Variants in CSRP3 observed in about 807,000 individuals in gnomAD.
CSRP3 encodes cysteine and glycine-rich protein 3.
A neutral mutation model predicts 24.3 loss-of-function variants in CSRP3; 24 were observed. The ratio of observed to expected loss-of-function variants is 0.99; its 90% CI spans 0.71 to 1.39. The LOEUF (loss-of-function observed/expected upper bound fraction) is 1.39. Ranked by LOEUF, CSRP3 falls within the 40% of genes most tolerant of loss-of-function variation. The pLI, the probability that CSRP3 is intolerant of heterozygous loss-of-function variation, is 0.00. For synonymous variants in CSRP3, 105 were observed against 94.0 expected, an observed-to-expected ratio of 1.12 and a Z score of -0.68; for missense variants, 240 against 249.0, an observed-to-expected ratio of 0.96 and a Z score of 0.24.
intron 2 of CSRP3, among the ~76,000 whole-genome samples, chr11:19,191,672 C>G (rs1248194227): frequency 6.6e-6 from 1 of 152,148 alleles, no homozygotes; most frequent in Non-Finnish European, 1.5e-5. Context: ...TCACGTGAGT[C>G]AGGCAGGACC....
At chr11:19,193,533 AT>A in intron 1 of CSRP3, among the ~76,000 whole-genome samples, 1 of 152,352 alleles carries the variant, frequency 6.6e-6, no homozygotes, top group South Asian at 2.1e-4. Context: ...TGTCCTCTGT[AT>A]TTTTAGTAGA....
Position 19,186,259 on chromosome 11 carries a change from C to T in CSRP3, c.371G>A (p.Gly124Asp). 6.2e-7 allele frequency: 1 copy of T among 1,614,200 alleles called. No individual in the cohort carries two copies. The highest frequency in any genetic ancestry group is 1.1e-5 in the South Asian group (1 of 91,080). Reference sequence around the variant, plus strand: ...CTTCTCAGCAGCATAGACTGACTTGCCACATCGAGGGCACTTCTCGGACTC... The same window carrying T: ...CTTCTCAGCAGCATAGACTGACTTGTCACATCGAGGGCACTTCTCGGACTC... ...FGESEKCPRC[G>D]KSVYAAEKVM... is the part of the protein sequence containing the mutation. Residue 124 changes from glycine to aspartate, a missense_variant, in exon 4 of 6, where the codon GGC becomes GAC. Coordinates refer to ENST00000265968, the MANE Select transcript of CSRP3 (RefSeq NM_003476.5).
chr11:19,195,938 T>C (rs552532024), intron 1 of CSRP3, among the ~76,000 whole-genome samples: 22 of 152,306 alleles, frequency 1.4e-4, no homozygotes, highest in Non-Finnish European at 2.6e-4. Flanking sequence ...AAACAGAAGA[T>C]GTCTCACAGG....
chr11:19,195,174 T>C (rs1182007893), intron 1 of CSRP3, among the ~76,000 whole-genome samples: 1 of 151,704 alleles, frequency 6.6e-6, no homozygotes, highest in Non-Finnish European at 1.5e-5. Flanking sequence ...GGAATAATGC[T>C]AATGAAGTCA....
chr11:19,185,004 C>T lies in CSRP3; in HGVS notation c.456G>A (p.Lys152=), dbSNP rs397516856. 1.2e-5 allele frequency: 19 copies of T among 1,614,230 alleles called. No homozygotes were observed. In the East Asian group the frequency reaches 4.0e-4, roughly 34 times the overall value. The stretch of plus-strand genomic sequence containing the variant: ...CAGTGACATTTGTGGACTCCAGACT[C>T]TTCCCACAGATGGCACAGCGGAAAC... ...KTCFRCAICG[K]SLESTNVTDK... Residue 152 remains lysine, a synonymous_variant, in exon 5 of 6, where the codon AAG becomes AAA. Coordinates refer to ENST00000265968, the MANE Select transcript of CSRP3 (RefSeq NM_003476.5).
At chr11:19,185,393 T>C (rs1850508177) in intron 4 of CSRP3, among the ~76,000 whole-genome samples, 2 of 152,210 alleles carry the variant, frequency 1.3e-5, no homozygotes, top group Admixed American at 1.3e-4. Context: ...GAGTATAAAG[T>C]TACAGAAGGA....
chr11:19,189,319 A>G (rs1850580113), intron 2 of CSRP3, among the ~76,000 whole-genome samples: 1 of 152,204 alleles, frequency 6.6e-6, no homozygotes, highest in Non-Finnish European at 1.5e-5. Flanking sequence ...CTCAACAAGA[A>G]GGACCTATTA....
At chr11:19,184,842 GCCATACCT>G in intron 5 of CSRP3, 102 bp downstream of exon 5, 1 of 854,038 alleles carries the variant, frequency 1.2e-6, no homozygotes, top group African/African-American at 1.7e-5. Flanking sequence ...AGGCTGAGCA[GCCATACCT>G]CCTGGAAGAC....
intron 5 of CSRP3, 36 bp from the exon 6 acceptor site, chr11:19,182,782 CA>C: frequency 6.8e-7 from 1 of 1,470,324 alleles, no homozygotes; most frequent in Non-Finnish European, 9.5e-7. Context: ...AGAGACAATG[CA>C]TTGGTTAGTG....
In CSRP3 at chr11:19,186,336, C is replaced by T. The variant is rs142832902; in HGVS notation, c.294G>A (p.Pro98=). The change falls in exon 4 of 6, where the codon CCG becomes CCA. Residue 98 remains proline, a synonymous_variant. Transcript: ENST00000265968. ...GGTTGCTGGTGGTAACTGAGCGTGC[C>T]GGCTTTGGGGACCTGTTGGAAATAG... ...LGLQFQQSPK[P]ARSVTTSNPS... The T allele has an allele frequency of 5.6e-5, 90 of 1,614,030 alleles. No homozygotes were observed. The highest frequency in any genetic ancestry group is 7.3e-5 in the Non-Finnish European group (86 of 1,180,028).
intron 1 of CSRP3, among the ~76,000 whole-genome samples, chr11:19,199,609 C>G (rs1025187052): frequency 6.6e-6 from 1 of 152,230 alleles, no homozygotes; most frequent in African/African-American, 2.4e-5. Context: ...AATTCCTAAG[C>G]TTTCTAGAAC....
At chr11:19,196,878 C>G (rs1041557233) in intron 1 of CSRP3, 2 of 152,240 alleles carry the variant, frequency 1.3e-5, no homozygotes, top group African/African-American at 4.8e-5. Flanking sequence ...GTGACATCAA[C>G]TTGGAAGAGG....
intron 1 of CSRP3, among the ~76,000 whole-genome samples, chr11:19,197,684 G>C (rs1006962424): frequency 2.6e-5 from 4 of 151,438 alleles, no homozygotes; most frequent in African/African-American, 9.7e-5. Context: ...TTTGGGCAGA[G>C]ACCTCAAGCC....
chr11:19,191,875 G>C (rs997777545), intron 2 of CSRP3, among the ~76,000 whole-genome samples: 1 of 152,062 alleles, frequency 6.6e-6, no homozygotes, highest in Non-Finnish European at 1.5e-5. Context: ...GGCATGTGTT[G>C]CCCCCCTGCC....
chr11:19,189,859 A>T (rs1293608480), intron 2 of CSRP3, among the ~76,000 whole-genome samples: 1 of 152,248 alleles, frequency 6.6e-6, no homozygotes, highest in Non-Finnish European at 1.5e-5. Flanking sequence ...TATCTTTTTT[A>T]TGAAGATGAA....
At position 19,195,132 on chromosome 11, in the gene CSRP3, A is replaced by C. The variant is rs138085233; in HGVS notation, c.-28-2656T>G. 4.0e-3 allele frequency among the ~76,000 whole-genome samples: 609 copies of C among 152,008 alleles called. 3 individuals carry two copies. The highest frequency in any genetic ancestry group is 5.7e-3 in the Non-Finnish European group (387 of 67,970). ...ATTCAAATGGGGGTTTGAAGGGTGA[A>C]TAGGAGTTCACCAGATACAGAAAAG... On this transcript the variant is annotated intron_variant, in intron 1 of 5. Coordinates refer to ENST00000265968, the MANE Select transcript of CSRP3 (RefSeq NM_003476.5).
intron 2 of CSRP3, among the ~76,000 whole-genome samples, chr11:19,188,991 T>A (rs1850576042): frequency 6.6e-6 from 1 of 152,192 alleles, no homozygotes; most frequent in South Asian, 2.1e-4. Context: ...AGATTTATTT[T>A]GCAAATTTAA....
At position 19,192,375 on chromosome 11, in the gene CSRP3, C is replaced by A. The variant is rs190182843; in HGVS notation, c.74G>T (p.Cys25Phe). 1.9e-5 allele frequency: 30 copies of A among 1,614,216 alleles called. No homozygotes were observed. In the Admixed American group the frequency reaches 4.8e-4, roughly 26 times the overall value. ...CGTCTTGTGGAAACTCCTTCCATTG[C>A]ACTGGATTTCTTCTGCATGGTAGAC... is the stretch of plus-strand genomic sequence containing the variant. ...KTVYHAEEIQ[C>F]NGRSFHKTCF... Residue 25 changes from cysteine to phenylalanine, a missense_variant, in exon 2 of 6, where the codon TGC becomes TTC. Cys to Phe is a radical substitution (Grantham distance 205, BLOSUM62 -2). Transcript: ENST00000265968.
At chr11:19,187,193 CA>C (rs1850540617) in intron 3 of CSRP3, among the ~76,000 whole-genome samples, 1 of 152,228 alleles carries the variant, frequency 6.6e-6, no homozygotes, top group South Asian at 2.1e-4. Flanking sequence ...TCTTCCTTAA[CA>C]AGAGTCTCCA....
Sources: gnomAD v4.1 joint callset for allele counts (sites outside exome capture counted in the v4.1 genomes callset) on GRCh38, gnomAD v4.1.1 for gene constraint, MANE v1.5 for transcripts, NCBI Gene and HGNC (gene_info 2026-07-23, HGNC 2026-07-21) for gene names.